RGS6: variants seen among roughly 807,000 people sequenced by gnomAD.
RGS6 encodes the protein regulator of G-protein signaling 6.
RGS6 carries 30 observed loss-of-function variants against 78.5 expected under a neutral mutation model. The ratio of observed to expected loss-of-function variants is 0.38; its 90% CI spans 0.29 to 0.52. The LOEUF is 0.52. RGS6 is among the 20% of genes least tolerant of loss of function. RGS6 has a pLI of 0.85. For missense variants in RGS6, 495 were observed against 609.7 expected, an observed-to-expected ratio of 0.81 and a Z score of 1.98; for synonymous variants, 206 against 206.0, an observed-to-expected ratio of 1.00 and a Z score of 0.00.
intron 2 of RGS6, among the ~76,000 whole-genome samples, chr14:72,218,388 A>G (rs2046074608): frequency 6.6e-6 from 1 of 152,102 alleles, no homozygotes; most frequent in Non-Finnish European, 1.5e-5. Context: ...AATATGTTGT[A>G]TCAATATATT....
At chr14:71,949,781 T>TA (rs386381725) in intron 1 of RGS6, among the ~76,000 whole-genome samples, 2 of 62,778 alleles carry the variant, frequency 3.2e-5, no homozygotes, top group African/African-American at 1.1e-4. Flanking sequence ...AGAAGCTCTA[T>TA]TTTTTTTTTT....
chr14:72,358,086 C>T (rs1463538478), intron 3 of RGS6, among the ~76,000 whole-genome samples: 2 of 152,162 alleles, frequency 1.3e-5, no homozygotes, highest in African/African-American at 4.8e-5. Context: ...TGGCAGCTTC[C>T]ACATGGTGTT....
intron 13 of RGS6, among the ~76,000 whole-genome samples, chr14:72,506,347 CTG>C (rs1335680988): frequency 1.3e-5 from 2 of 152,214 alleles, no homozygotes; most frequent in African/African-American, 4.8e-5. Context: ...TGTAAAGAGA[CTG>C]TGCTTCTGTG....
intron 2 of RGS6, among the ~76,000 whole-genome samples, chr14:72,221,641 C>A (rs1247940261): frequency 6.6e-6 from 1 of 152,008 alleles, no homozygotes; most frequent in Non-Finnish European, 1.5e-5. Context: ...GGGAAACAAA[C>A]CTAATTGATA....
At chr14:71,918,757 C>T in the RGS6 span, among the ~76,000 whole-genome samples, 7 of 152,276 alleles carry the variant, frequency 4.6e-5, no homozygotes, top group African/African-American at 1.7e-4. Flanking sequence ...AACAATCTAT[C>T]GTCCTGAAGT....
chr14:72,532,425 A>C (rs901076619), intron 15 of RGS6, among the ~76,000 whole-genome samples: 1 of 152,286 alleles, frequency 6.6e-6, no homozygotes, highest in Non-Finnish European at 1.5e-5. Flanking sequence ...AATGACAACT[A>C]TATTGAAATT....
the RGS6 span, among the ~76,000 whole-genome samples, chr14:72,572,771 A>G: frequency 2.0e-5 from 3 of 152,330 alleles, no homozygotes; most frequent in South Asian, 6.2e-4. Context: ...ACTTAAAATC[A>G]TTGACTTACA....
chr14:72,327,035 G>A (rs1448592952), intron 2 of RGS6, among the ~76,000 whole-genome samples: 1 of 152,172 alleles, frequency 6.6e-6, no homozygotes, highest in African/African-American at 2.4e-5. Flanking sequence ...ATGAAAGAGT[G>A]GCCTAACACG....
the RGS6 span, among the ~76,000 whole-genome samples, chr14:72,597,602 T>G: frequency 6.6e-6 from 1 of 151,492 alleles, no homozygotes; most frequent in Admixed American, 6.6e-5. Context: ...CGTTTTTAAA[T>G]TGACACATAA....
At chr14:71,972,649 T>A in intron 2 of RGS6, among the ~76,000 whole-genome samples, 1 of 151,844 alleles carries the variant, frequency 6.6e-6, no homozygotes, top group Non-Finnish European at 1.5e-5. Context: ...TGTGGAAGGG[T>A]TCGGTGTGGA....
chr14:72,005,062 AT>A (rs1326481076), intron 2 of RGS6, among the ~76,000 whole-genome samples: 18 of 152,194 alleles, frequency 1.2e-4, no homozygotes, highest in African/African-American at 4.1e-4. Flanking sequence ...ATAAGTTGTA[AT>A]TGCCTGGGTC....
At chr14:72,552,764 G>A (rs541862546) in intron 17 of RGS6, 1 of 152,320 alleles carries the variant, frequency 6.6e-6, no homozygotes, top group African/African-American at 2.4e-5. Context: ...CGGACCCCTG[G>A]GGTGGGCACT....
the RGS6 span, among the ~76,000 whole-genome samples, chr14:71,924,850 C>T: frequency 2.0e-5 from 3 of 152,176 alleles, no homozygotes; most frequent in African/African-American, 4.8e-5. Context: ...GTTCCCATAA[C>T]CAGAATATTG....
chr14:72,570,193 G>A (rs949156434), downstream of RGS6, among the ~76,000 whole-genome samples: 2 of 152,144 alleles, frequency 1.3e-5, no homozygotes, highest in Non-Finnish European at 2.9e-5. Flanking sequence ...GATTTACACA[G>A]CATTTACATT....
chr14:71,924,034 T>C, the RGS6 span, among the ~76,000 whole-genome samples: 3 of 152,202 alleles, frequency 2.0e-5, no homozygotes, highest in Admixed American at 2.0e-4. Flanking sequence ...TATTTATTTA[T>C]TATTCATTCA....
At chr14:72,420,900 C>G (rs2094139397) in intron 3 of RGS6, 1 of 152,188 alleles carries the variant, frequency 6.6e-6, no homozygotes, top group Non-Finnish European at 1.5e-5. Flanking sequence ...AGGCAGTTGC[C>G]TGCAGAAGCC....
At chr14:72,474,235 A>C (rs988980305) in intron 9 of RGS6, among the ~76,000 whole-genome samples, 2 of 152,216 alleles carry the variant, frequency 1.3e-5, no homozygotes, top group Admixed American at 6.5e-5. Flanking sequence ...CTAAAAAATA[A>C]ATTATTGGTC....
At chr14:72,319,759 C>G (rs1244816058) in intron 2 of RGS6, among the ~76,000 whole-genome samples, 1 of 152,054 alleles carries the variant, frequency 6.6e-6, no homozygotes, top group Non-Finnish European at 1.5e-5. Flanking sequence ...TCAAAGCAAA[C>G]AAAACGGAAA....
intron 2 of RGS6, among the ~76,000 whole-genome samples, chr14:72,084,256 G>A (rs72737865): frequency 0.073 from 11,158 of 152,206 alleles, 443 homozygotes; most frequent in African/African-American, 0.094. Context: ...TATGGTTTGC[G>A]TTTCTATGAG....
Sources: gnomAD v4.1 joint callset for allele counts (sites outside exome capture counted in the v4.1 genomes callset) on GRCh38, gnomAD v4.1.1 for gene constraint, MANE v1.5 for transcripts, NCBI Gene and HGNC (gene_info 2026-07-23, HGNC 2026-07-21) for gene names.